Variants in SSBP2 observed in about 807,000 individuals in gnomAD.
The protein encoded by SSBP2 is single stranded DNA binding protein 2, also known as single-stranded DNA-binding protein 2.
SSBP2 carries 17 observed loss-of-function variants against 61.8 expected under a neutral mutation model. The ratio of observed to expected loss-of-function variants is 0.28; its 90% confidence interval spans 0.19 to 0.41. SSBP2 has a LOEUF of 0.41. SSBP2 is among the 10% of genes least tolerant of loss of function. The pLI, the probability that SSBP2 is intolerant of heterozygous loss-of-function variation, is 1.00. For missense variants in SSBP2, 310 were observed against 458.7 expected, an observed-to-expected ratio of 0.68 and a Z score of 2.96; for synonymous variants, 139 against 141.3, an observed-to-expected ratio of 0.98 and a Z score of 0.12.
At chr5:81,586,404 TAAAC>T (rs1336333712) in intron 4 of SSBP2, among the ~76,000 whole-genome samples, 1 of 152,148 alleles carries the variant, frequency 6.6e-6, no homozygotes, top group Non-Finnish European at 1.5e-5. Flanking sequence ...AAAAGCCTTT[TAAAC>T]AAACAATAGT....
intron 4 of SSBP2, among the ~76,000 whole-genome samples, chr5:81,574,482 G>C (rs886781258): frequency 4.6e-5 from 7 of 151,764 alleles, no homozygotes; most frequent in Non-Finnish European, 1.0e-4. Flanking sequence ...AATAAAAGGA[G>C]TTGAAAAAAA....
At chr5:81,740,384 T>C (rs1254656870) in intron 1 of SSBP2, among the ~76,000 whole-genome samples, 1 of 151,148 alleles carries the variant, frequency 6.6e-6, no homozygotes, top group Non-Finnish European at 1.5e-5. Flanking sequence ...ACTGATAATG[T>C]ATAATCATCA....
chr5:81,493,249 A>AACAG (rs1554074639), intron 5 of SSBP2, among the ~76,000 whole-genome samples: 1 of 128,192 alleles, frequency 7.8e-6, no homozygotes, highest in Non-Finnish European at 1.7e-5. Context: ...GAATGAACAA[A>AACAG]ACAGATAGAT....
intron 13 of SSBP2, among the ~76,000 whole-genome samples, chr5:81,441,438 C>T (rs533203757): frequency 6.6e-6 from 1 of 152,300 alleles, no homozygotes; most frequent in East Asian, 1.9e-4. Flanking sequence ...ATACCTTACA[C>T]TTACAGTTAA....
In SSBP2 at chr5:81,474,421, C is replaced by T. The variant is rs970616123; in HGVS notation, c.499+75G>A. 5.3e-6 allele frequency: 7 copies of T among 1,316,968 alleles called. No homozygotes were observed. The African/African-American group carries it at 1.0e-4, about 19-fold the overall frequency. 81.6% of individuals were successfully genotyped at this position (1,316,968 alleles called of 1,614,324 possible). On this transcript the variant is annotated intron_variant, in intron 7 of 16. Transcript: ENST00000320672. ...TATAGGAGATTTACTTATACAAATA[C>T]AATTTTCCTTAAGAGATAAAAGATT... is the stretch of plus-strand genomic sequence containing the variant.
In SSBP2 at chr5:81,751,096, T is replaced by G; in HGVS notation, c.-54A>C. On this transcript the variant is annotated 5_prime_UTR_variant, in exon 1 of 17. Coordinates refer to ENST00000320672, the MANE Select transcript of SSBP2 (RefSeq NM_012446.5). ...ACGCACCTGTCAACCCATCACAGCC[T>G]CCCCGGGAACAGCCCCGTCCCCATG... The G allele has an allele frequency of 2.6e-6, 4 of 1,542,394 alleles. No homozygotes were observed. The highest frequency in any genetic ancestry group is 3.5e-6 in the Non-Finnish European group (4 of 1,138,846).
intron 1 of SSBP2, among the ~76,000 whole-genome samples, chr5:81,730,291 C>T (rs1756172296): frequency 6.6e-6 from 1 of 152,158 alleles, no homozygotes; most frequent in Non-Finnish European, 1.5e-5. Context: ...GTGGCACGAT[C>T]TCGGCTCACT....
intron 12 of SSBP2, among the ~76,000 whole-genome samples, chr5:81,444,765 T>C (rs775967932): frequency 5.9e-5 from 9 of 152,100 alleles, no homozygotes; most frequent in Non-Finnish European, 1.2e-4. Flanking sequence ...AAGAAATTTA[T>C]CATTTTAAAG....
At chr5:81,669,569 A>G (rs904958027) in intron 1 of SSBP2, among the ~76,000 whole-genome samples, 40 of 152,266 alleles carry the variant, frequency 2.6e-4, no homozygotes, top group African/African-American at 8.9e-4. Context: ...ACCAAACGCC[A>G]CATGTTCTCA....
intron 6 of SSBP2, among the ~76,000 whole-genome samples, chr5:81,480,114 T>C (rs1765874398): frequency 6.6e-6 from 1 of 152,182 alleles, no homozygotes; most frequent in African/African-American, 2.4e-5. Context: ...ATCCTAGGGA[T>C]TTAAAATAAA....
chr5:81,707,213 AAAGGT>A (rs1489931523), intron 1 of SSBP2, among the ~76,000 whole-genome samples: 1 of 152,076 alleles, frequency 6.6e-6, no homozygotes, highest in Non-Finnish European at 1.5e-5. Flanking sequence ...TCATTTACTA[AAAGGT>A]AAATGTTATA....
chr5:81,592,042 C>T (rs1775551578), intron 4 of SSBP2, among the ~76,000 whole-genome samples: 1 of 152,238 alleles, frequency 6.6e-6, no homozygotes, highest in African/African-American at 2.4e-5. Context: ...GAGGCATCGC[C>T]TCACCTGGGA....
At chr5:81,740,607 G>GA (rs1240288071) in intron 1 of SSBP2, among the ~76,000 whole-genome samples, 4 of 152,150 alleles carry the variant, frequency 2.6e-5, no homozygotes, top group African/African-American at 9.7e-5. Context: ...CTGCTTGGAA[G>GA]AGACAACAAA....
intron 4 of SSBP2, among the ~76,000 whole-genome samples, chr5:81,558,991 C>T (rs1443103125): frequency 3.3e-5 from 5 of 152,224 alleles, no homozygotes; most frequent in Non-Finnish European, 7.3e-5. Flanking sequence ...CGCAGTGGCT[C>T]ACGCCTGTAA....
chr5:81,664,887 T>C (rs1750981498), intron 1 of SSBP2, among the ~76,000 whole-genome samples: 1 of 152,206 alleles, frequency 6.6e-6, no homozygotes, highest in Non-Finnish European at 1.5e-5. Flanking sequence ...AGCAGTCTTA[T>C]TTTCGGGTTC....
chr5:81,715,646 A>G (rs539832691), intron 1 of SSBP2, among the ~76,000 whole-genome samples: 1 of 152,368 alleles, frequency 6.6e-6, no homozygotes, highest in Admixed American at 6.5e-5. Context: ...CTACATGGCA[A>G]AACTATAAAT....
chr5:81,527,849 C>T (rs557267952), intron 4 of SSBP2, among the ~76,000 whole-genome samples: 1 of 148,578 alleles, frequency 6.7e-6, no homozygotes, highest in South Asian at 2.1e-4. Flanking sequence ...CACATGTATA[C>T]TTATGTAACA....
chr5:81,596,256 A>C (rs1212048961), intron 4 of SSBP2, among the ~76,000 whole-genome samples: 3 of 151,446 alleles, frequency 2.0e-5, no homozygotes, highest in African/African-American at 4.9e-5. Flanking sequence ...AAAGAGAATA[A>C]AATACCTAGG....
intron 4 of SSBP2, among the ~76,000 whole-genome samples, chr5:81,534,431 C>T (rs1468001759): frequency 6.6e-6 from 1 of 151,998 alleles, no homozygotes; most frequent in Non-Finnish European, 1.5e-5. Flanking sequence ...TTTAAAACAA[C>T]TATGATTAAT....
Sources: allele counts gnomAD v4.1 joint callset (sites outside exome capture counted in the v4.1 genomes callset), GRCh38; gene constraint gnomAD v4.1.1; transcripts MANE v1.5; gene names NCBI Gene and HGNC (gene_info 2026-07-23, HGNC 2026-07-21).